CD48: variants seen among roughly 807,000 people sequenced by gnomAD.
The protein encoded by CD48 is CD48 antigen.
CD48 carries 20 observed loss-of-function variants against 22.0 expected under a neutral mutation model. The ratio of observed to expected loss-of-function variants is 0.91; its 90% confidence interval spans 0.64 to 1.32. CD48 has a LOEUF of 1.32. CD48 is among the 40% of genes most tolerant of loss of function. The pLI is 0.00. For missense variants in CD48, 307 were observed against 286.5 expected (o/e 1.07, Z -0.52); for synonymous variants, 110 against 110.1 (o/e 1.00, Z 0.01).
At chr1:160,690,151 G>C (rs950756029) in intron 1 of CD48, among the ~76,000 whole-genome samples, 1 of 152,172 alleles carries the variant, frequency 6.6e-6, no homozygotes, top group Non-Finnish European at 1.5e-5. Flanking sequence ...ATTCCTTACT[G>C]TTGTATAAAT....
Position 160,680,891 on chromosome 1 carries a change from C to G in CD48, c.652+311G>C. ...CTGCTCACCCTGATGTTTCAGTCTA[C>G]TCTATGATGACCCTGGCCTCAGATG... is the stretch of plus-strand genomic sequence containing the variant. On this transcript the variant is annotated intron_variant, in intron 3 of 3. Transcript: ENST00000368046. The G allele has an allele frequency of 6.4e-6, 9 of 1,403,272 alleles. 1 individual carries two copies. The South Asian group carries it at 1.4e-4, about 23-fold the overall frequency. 86.9% of individuals were successfully genotyped at this position (1,403,272 alleles called of 1,614,324 possible). A position where few individuals can be genotyped will look rare whatever the true frequency, so the allele number is the denominator to read the frequency against.
intron 3 of CD48, chr1:160,680,637 C>A (rs999774498): frequency 2.5e-5 from 25 of 1,008,218 alleles, no homozygotes; most frequent in Non-Finnish European, 3.0e-5. Flanking sequence ...ACAGGGGAAT[C>A]TGGCTTCCTA....
At chr1:160,695,509 A>C (rs1427928591) in intron 1 of CD48, among the ~76,000 whole-genome samples, 2 of 152,290 alleles carry the variant, frequency 1.3e-5, no homozygotes, top group Non-Finnish European at 2.9e-5. Flanking sequence ...CACATTAAAA[A>C]CACTAAATGA....
rs1662533559 is a variant in CD48, at chr1:160,699,082, G to A, written c.82+12600C>T. ...AAGCAAGAGAGATGAGATTGTTACT[G>A]TGTCTGTATAGAAAGAAGTAGACAT... On this transcript the variant is annotated intron_variant, in intron 1 of 3. Coordinates refer to ENST00000368046, the MANE Select transcript of CD48 (RefSeq NM_001778.4). 3 of 153,236 alleles carry A rather than the reference G, an allele frequency of 2.0e-5. No homozygotes were observed. In the Admixed American group the frequency reaches 2.0e-4, roughly 10 times the overall value. The allele number at this position is 153,236 out of a possible 1,614,324, so 9.5% of individuals were successfully genotyped here.
chr1:160,711,582 C>A (rs1323643342), intron 1 of CD48, 100 bp downstream of exon 1: 4 of 874,480 alleles, frequency 4.6e-6, no homozygotes, highest in Non-Finnish European at 7.6e-6. Flanking sequence ...TTTCCAGACA[C>A]CAGATCTGGC....
At chr1:160,701,197 A>G (rs921691307) in intron 1 of CD48, among the ~76,000 whole-genome samples, 14 of 131,002 alleles carry the variant, frequency 1.1e-4, no homozygotes, top group Admixed American at 9.1e-4. Context: ...TTTAAGATCA[A>G]TAACTATGAG....
At chr1:160,697,228 T>C (rs1362910146) in intron 1 of CD48, among the ~76,000 whole-genome samples, 1 of 152,300 alleles carries the variant, frequency 6.6e-6, no homozygotes, top group African/African-American at 2.4e-5. Context: ...TTGCTTGTGT[T>C]TCACCAGGAG....
chr1:160,680,199 T>C (rs1391326951), intron 3 of CD48, among the ~76,000 whole-genome samples: 3 of 152,202 alleles, frequency 2.0e-5, no homozygotes, highest in Non-Finnish European at 4.4e-5. Flanking sequence ...GTCTGAGTTA[T>C]TCTAGAAGAA....
intron 1 of CD48, chr1:160,691,758 G>T (rs1382960232): frequency 1.1e-5 from 4 of 362,886 alleles, no homozygotes; most frequent in Non-Finnish European, 2.0e-5. Context: ...CCTTCATCTG[G>T]TGCCCAACGT....
chr1:160,697,035 T>G (rs1318126004), intron 1 of CD48, among the ~76,000 whole-genome samples: 1 of 152,006 alleles, frequency 6.6e-6, no homozygotes, highest in African/African-American at 2.4e-5. Context: ...ACTCCTCAGA[T>G]GCAACTTAAT....
intron 1 of CD48, among the ~76,000 whole-genome samples, chr1:160,706,673 T>TAAAG (rs1662805112): frequency 6.6e-6 from 1 of 152,186 alleles, no homozygotes; most frequent in Non-Finnish European, 1.5e-5. Context: ...AGTAACAAAG[T>TAAAG]TGGATCTTAT....
intron 1 of CD48, chr1:160,691,767 G>A (rs144599601): frequency 0.042 from 15,187 of 364,948 alleles, 402 homozygotes; most frequent in South Asian, 0.1. Context: ...GGTGCCCAAC[G>A]TGGAGGCTTT....
At chr1:160,695,225 C>T (rs1259484799) in intron 1 of CD48, among the ~76,000 whole-genome samples, 3 of 152,300 alleles carry the variant, frequency 2.0e-5, no homozygotes, top group Non-Finnish European at 2.9e-5. Context: ...CTTAATAGTC[C>T]AACTATTTGT....
intron 3 of CD48, 26 bp downstream of exon 3, chr1:160,681,176 C>T (rs187213919): frequency 1.2e-4 from 191 of 1,613,956 alleles, no homozygotes; most frequent in Admixed American, 4.8e-4. Flanking sequence ...CCTGTGCCCC[C>T]CTCAGCTCCC....
chr1:160,708,416 A>G (rs1662854697), intron 1 of CD48, among the ~76,000 whole-genome samples: 1 of 152,220 alleles, frequency 6.6e-6, no homozygotes, highest in African/African-American at 2.4e-5. Context: ...AGGGTAGAGA[A>G]CAGGTTAGCT....
intron 1 of CD48, among the ~76,000 whole-genome samples, chr1:160,696,162 A>G (rs9793978): frequency 8.7e-3 from 1,316 of 150,508 alleles, no homozygotes; most frequent in South Asian, 0.026. Context: ...ACACAGGGCC[A>G]AAAGAACGAG....
At chr1:160,698,659 G>A (rs376591827) in intron 1 of CD48, among the ~76,000 whole-genome samples, 8 of 151,152 alleles carry the variant, frequency 5.3e-5, no homozygotes, top group Admixed American at 1.3e-4. Flanking sequence ...ACTGGAATAC[G>A]TCAGATTTTT....
intron 1 of CD48, among the ~76,000 whole-genome samples, chr1:160,701,576 A>T (rs1288570765): frequency 6.6e-6 from 1 of 152,108 alleles, no homozygotes; most frequent in African/African-American, 2.4e-5. Context: ...ATCCAGGAAC[A>T]AACCTTATAT....
chr1:160,704,850 G>A (rs1662744983), intron 1 of CD48, among the ~76,000 whole-genome samples: 1 of 151,948 alleles, frequency 6.6e-6, no homozygotes, highest in South Asian at 2.1e-4. Flanking sequence ...TAAAAACCTG[G>A]TTTGGTTAAG....
Sources: allele counts gnomAD v4.1 joint callset (sites outside exome capture counted in the v4.1 genomes callset), GRCh38; gene constraint gnomAD v4.1.1; transcripts MANE v1.5; gene names NCBI Gene and HGNC (gene_info 2026-07-23, HGNC 2026-07-21).